Variants in GKAP1 observed in about 807,000 individuals in gnomAD.
GKAP1 encodes G kinase-anchoring protein 1.
In GKAP1, 31 loss-of-function variants were observed where a neutral mutation model predicts 56.7. The observed-to-expected ratio is 0.55, with a 90% confidence interval of 0.41 to 0.74. GKAP1 has a LOEUF of 0.74. GKAP1 is among the 30% of genes least tolerant of loss of function. The pLI, the probability that GKAP1 is intolerant of heterozygous loss-of-function variation, is 0.00. For synonymous variants in GKAP1, 151 were observed against 138.6 expected, an observed-to-expected ratio of 1.09 and a Z score of -0.63; for missense variants, 364 against 402.3, an observed-to-expected ratio of 0.90 and a Z score of 0.82.
intron 9 of GKAP1, among the ~76,000 whole-genome samples, chr9:83,752,230 C>T (rs889793919): frequency 2.6e-5 from 4 of 151,978 alleles, no homozygotes; most frequent in Admixed American, 6.6e-5. Context: ...AGTGAAACCC[C>T]GTCTCTACTA....
chr9:83,796,651 G>C (rs1430297097), intron 4 of GKAP1, among the ~76,000 whole-genome samples: 5 of 152,002 alleles, frequency 3.3e-5, no homozygotes, highest in Admixed American at 3.3e-4. Flanking sequence ...ATTTTTAGTA[G>C]AGACGGGACT....
intron 7 of GKAP1, among the ~76,000 whole-genome samples, chr9:83,772,624 T>A (rs1451512119): frequency 1.3e-5 from 2 of 152,202 alleles, no homozygotes; most frequent in African/African-American, 4.8e-5. Context: ...TATGTACATC[T>A]ATTTTGTATC....
At chr9:83,770,276 T>C (rs1345772566) in intron 7 of GKAP1, among the ~76,000 whole-genome samples, 1 of 152,240 alleles carries the variant, frequency 6.6e-6, no homozygotes, top group African/African-American at 2.4e-5. Context: ...CTAAAAGTTT[T>C]ACAGATTTAG....
At chr9:83,748,448 A>G (rs974840833) in intron 9 of GKAP1, 76 bp from the exon 10 acceptor site, 2 of 795,834 alleles carry the variant, frequency 2.5e-6, no homozygotes, top group Admixed American at 4.9e-5. Flanking sequence ...CAACTTACAG[A>G]GCTCTGAATT....
chr9:83,796,409 T>A (rs1435268331), intron 4 of GKAP1, among the ~76,000 whole-genome samples: 3 of 152,224 alleles, frequency 2.0e-5, no homozygotes, highest in Non-Finnish European at 2.9e-5. Flanking sequence ...CTCTGGTCCT[T>A]CTAATTAAGT....
At chr9:83,791,461 C>T (rs1944159261) in intron 4 of GKAP1, among the ~76,000 whole-genome samples, 1 of 152,038 alleles carries the variant, frequency 6.6e-6, no homozygotes, top group African/African-American at 2.4e-5. Context: ...ATGGCCCTCC[C>T]AGCAACTGAT....
At chr9:83,751,673 C>T (rs1943391707) in intron 9 of GKAP1, among the ~76,000 whole-genome samples, 1 of 150,926 alleles carries the variant, frequency 6.6e-6, no homozygotes, top group Non-Finnish European at 1.5e-5. Context: ...TGGCACATTA[C>T]AGGCACTCAA....
chr9:83,773,559 T>C (rs544482932), intron 7 of GKAP1, among the ~76,000 whole-genome samples: 8 of 152,256 alleles, frequency 5.3e-5, no homozygotes, highest in Non-Finnish European at 1.2e-4. Context: ...CCCACACCAT[T>C]CTACTTAAAA....
At chr9:83,750,552 G>A (rs768544072) in intron 9 of GKAP1, among the ~76,000 whole-genome samples, 12 of 152,104 alleles carry the variant, frequency 7.9e-5, no homozygotes, top group Admixed American at 1.3e-4. Context: ...TCATCCCACA[G>A]CAGCTGCGTC....
In GKAP1 at chr9:83,768,877, T is replaced by C. The variant is rs769117192; in HGVS notation, c.679A>G (p.Arg227Gly). 1.8e-5 allele frequency: 29 copies of C among 1,612,362 alleles called. No homozygotes were observed. Among genetic ancestry groups the C allele is most frequent in the Middle Eastern group, 3.4e-4 (2 of 5,886 alleles). ...CCATTATATTCTGTAAGCTGTTCTCTTCGTTTTTCTCTAATAAGAATTTTA... is the reference window on the plus strand; with the variant it reads ...CCATTATATTCTGTAAGCTGTTCTCCTCGTTTTTCTCTAATAAGAATTTTA... The part of the protein sequence containing the change: ...VHKILIREKR[R>G]EQLTEYNGTD... The change falls in exon 8 of 13, where the codon AGA (arginine) becomes GGA (glycine). Residue 227 changes from arginine (R) to glycine (G), a missense_variant. Arg to Gly is a moderately radical substitution (Grantham distance 125). Coordinates refer to ENST00000376371, the MANE Select transcript of GKAP1 (RefSeq NM_025211.4).
intron 8 of GKAP1, among the ~76,000 whole-genome samples, chr9:83,766,340 T>G (rs562646443): frequency 1.3e-5 from 2 of 152,262 alleles, no homozygotes; most frequent in African/African-American, 4.8e-5. Context: ...CATAGCAGCA[T>G]GAGAATGGAC....
At chr9:83,766,521 A>C (rs1018394869) in intron 8 of GKAP1, among the ~76,000 whole-genome samples, 14 of 152,348 alleles carry the variant, frequency 9.2e-5, no homozygotes, top group African/African-American at 3.4e-4. Context: ...TTATAGACAA[A>C]CCTTATTGCT....
intron 10 of GKAP1, among the ~76,000 whole-genome samples, chr9:83,747,644 T>G (rs890992287): frequency 6.6e-6 from 1 of 152,002 alleles, no homozygotes; most frequent in Admixed American, 6.6e-5. Flanking sequence ...TCCAGCATTT[T>G]TTTTTTTTTT....
At chr9:83,804,426 A>G (rs1200036816) in intron 3 of GKAP1, among the ~76,000 whole-genome samples, 80 of 68,772 alleles carry the variant, frequency 1.2e-3, no homozygotes, top group African/African-American at 3.0e-3. Flanking sequence ...CCGGCCAGCC[A>G]CCCCGTCCGG....
chr9:83,806,265 C>G (rs1944438358), intron 3 of GKAP1, 37 bp downstream of exon 3: 1 of 1,335,066 alleles, frequency 7.5e-7, no homozygotes, highest in Non-Finnish European at 1.0e-6. Flanking sequence ...TGATTACCAT[C>G]TACTGGGAAA....
chr9:83,768,393 A>G (rs1943698859), intron 8 of GKAP1, among the ~76,000 whole-genome samples: 1 of 152,190 alleles, frequency 6.6e-6, no homozygotes, highest in African/African-American at 2.4e-5. Context: ...TCACCCAAGC[A>G]GTGATCAATT....
At chr9:83,774,450 A>G (rs1481041516) in intron 7 of GKAP1, among the ~76,000 whole-genome samples, 1 of 151,560 alleles carries the variant, frequency 6.6e-6, no homozygotes, top group Non-Finnish European at 1.5e-5. Flanking sequence ...AAAAATACAA[A>G]AAACTAGCTG....
intron 4 of GKAP1, among the ~76,000 whole-genome samples, chr9:83,795,156 C>CAAAAAAAAAAAAAAAAAAAA: frequency 1.6e-5 from 1 of 64,492 alleles, no homozygotes; most frequent in Non-Finnish European, 3.0e-5. Context: ...GACTCCATCT[C>CAAAAAAAAAAAAAAAAAAAA]AAAAAAAAAA....
At chr9:83,798,766 T>A (rs1204399250) in intron 4 of GKAP1, among the ~76,000 whole-genome samples, 1 of 152,136 alleles carries the variant, frequency 6.6e-6, no homozygotes, top group African/African-American at 2.4e-5. Context: ...TCCACCCGCC[T>A]CAGACTCCCA....
Sources: allele counts gnomAD v4.1 joint callset (sites outside exome capture counted in the v4.1 genomes callset), GRCh38; gene constraint gnomAD v4.1.1; transcripts MANE v1.5; gene names NCBI Gene and HGNC (gene_info 2026-07-23, HGNC 2026-07-21).